Variants in MYBL1 observed in about 807,000 individuals in gnomAD.
The protein encoded by MYBL1 is myb-related protein A.
Under a neutral mutation model 96.3 loss-of-function variants are expected in MYBL1, and 17 were observed. The ratio of observed to expected loss-of-function variants is 0.18; its 90% CI spans 0.12 to 0.26. The LOEUF (loss-of-function observed/expected upper bound fraction) is 0.26. Among genes scored for constraint, MYBL1 ranks in the 10% least tolerant of loss-of-function variants. The pLI, the probability that MYBL1 is intolerant of heterozygous loss-of-function variation, is 1.00. For synonymous variants in MYBL1, 282 were observed against 292.7 expected (o/e 0.96, Z 0.37); for missense variants, 701 against 882.9 (o/e 0.79, Z 2.61).
chr8:66,610,495 G>C (rs1810485475), intron 1 of MYBL1, among the ~76,000 whole-genome samples: 1 of 151,770 alleles, frequency 6.6e-6, no homozygotes, highest in Non-Finnish European at 1.5e-5. Context: ...GCAAAGTATA[G>C]TTTTCACTTG....
At position 66,599,237 on chromosome 8, in the gene MYBL1, CAAG is replaced by C. The variant is rs1586592540; in HGVS notation, c.199-98_199-96del. On this transcript the variant is annotated intron_variant, in intron 3 of 15. Transcript: ENST00000522677. ...TCTCACATCCTTAGAACAAAGACTT[CAAG>C]AATAGTGTATTCAATAGCATTCTTT... 7.5e-6 allele frequency: 5 copies of C among 669,444 alleles called. No homozygotes were observed. In the East Asian group the frequency reaches 1.5e-4, roughly 20 times the overall value. 41.5% of individuals were successfully genotyped at this position (669,444 alleles called of 1,614,324 possible).
intron 5 of MYBL1, among the ~76,000 whole-genome samples, chr8:66,596,792 T>G (rs1355226304): frequency 6.6e-6 from 1 of 152,110 alleles, no homozygotes; most frequent in Non-Finnish European, 1.5e-5. Context: ...CAATGTAGAG[T>G]GTACTTAGCA....
At chr8:66,602,632 G>C in intron 1 of MYBL1, 109 bp from the exon 2 acceptor site, 1 of 438,798 alleles carries the variant, frequency 2.3e-6, no homozygotes, top group Non-Finnish European at 3.6e-6. Context: ...CAGACTACAA[G>C]TCATATTCAC....
intron 8 of MYBL1, among the ~76,000 whole-genome samples, chr8:66,590,019 A>G (rs1329331420): frequency 6.6e-6 from 1 of 152,144 alleles, no homozygotes; most frequent in African/African-American, 2.4e-5. Flanking sequence ...GGCTGCAGTG[A>G]GCCATGATCG....
chr8:66,603,747 G>A (rs191896667), intron 1 of MYBL1, among the ~76,000 whole-genome samples: 1 of 151,928 alleles, frequency 6.6e-6, no homozygotes, highest in Non-Finnish European at 1.5e-5. Context: ...TGATCCTCCT[G>A]CCTCAGCCTC....
chr8:66,612,636 C>G, intron 1 of MYBL1, 183 bp downstream of exon 1: 1 of 610,888 alleles, frequency 1.6e-6, no homozygotes. Context: ...CACCCTGGTC[C>G]CCAACTCTCC....
intron 14 of MYBL1, among the ~76,000 whole-genome samples, 169 bp downstream of exon 14, chr8:66,566,514 TA>T (rs1808509173): frequency 6.6e-6 from 1 of 151,974 alleles, no homozygotes. Context: ...AAAAAGTAAA[TA>T]AAATATTCTC....
At chr8:66,602,939 G>C (rs1235019412) in intron 1 of MYBL1, among the ~76,000 whole-genome samples, 2 of 150,736 alleles carry the variant, frequency 1.3e-5, no homozygotes, top group Non-Finnish European at 3.0e-5. Flanking sequence ...TAGAGGCAGG[G>C]TTTCACCGTG....
intron 6 of MYBL1, 87 bp from the exon 7 acceptor site, chr8:66,593,281 G>T: frequency 1.3e-6 from 1 of 783,452 alleles, no homozygotes; most frequent in Non-Finnish European, 2.0e-6. Context: ...TTTTGACACA[G>T]TATCAATATA....
chr8:66,602,776 C>CGCTCT (rs1488328332), intron 1 of MYBL1, among the ~76,000 whole-genome samples: 1 of 116,056 alleles, frequency 8.6e-6, no homozygotes, highest in East Asian at 2.7e-4. Context: ...GACGGAGTCT[C>CGCTCT]GCTCTGTCGC....
At chr8:66,571,375 G>A (rs1484711669) in intron 12 of MYBL1, among the ~76,000 whole-genome samples, 7 of 152,052 alleles carry the variant, frequency 4.6e-5, no homozygotes, top group Admixed American at 3.3e-4. Context: ...ATCTCTTTCA[G>A]CTTCACAATA....
At chr8:66,584,524 T>C (rs917322262) in intron 8 of MYBL1, among the ~76,000 whole-genome samples, 1 of 151,930 alleles carries the variant, frequency 6.6e-6, no homozygotes, top group Non-Finnish European at 1.5e-5. Context: ...GACAAACAAA[T>C]GGGGTAATGT....
intron 1 of MYBL1, among the ~76,000 whole-genome samples, chr8:66,602,730 TATA>T (rs1251635695): frequency 0.017 from 771 of 46,722 alleles, 16 homozygotes; most frequent in African/African-American, 0.026. Context: ...TATATATATA[TATA>T]TTTTTTTTTT....
chr8:66,576,040 T>C lies in MYBL1; in HGVS notation c.1437A>G (p.Thr479=). The change falls in exon 10 of 16, where the codon ACA becomes ACG. Residue 479 remains threonine, a synonymous_variant. Transcript: ENST00000522677. ...GAGAAAATGGTAGTGTTTTCAGTGG[T>C]GTATGTTTTAGCGCCATATTACCAC... ...NDGGNMALKH[T]PLKTLPFSPS... 1.2e-6 allele frequency: 2 copies of C among 1,613,778 alleles called. No homozygotes were observed. Among genetic ancestry groups the C allele is most frequent in the Non-Finnish European group, 1.7e-6 (2 of 1,179,808 alleles).
intron 9 of MYBL1, 24 bp from the exon 10 acceptor site, chr8:66,576,399 A>G: frequency 6.3e-7 from 1 of 1,575,334 alleles, no homozygotes; most frequent in Non-Finnish European, 8.6e-7. Context: ...AACTGTTAAT[A>G]AAGTTAATGC....
At chr8:66,576,398 T>C in intron 9 of MYBL1, 23 bp from the exon 10 acceptor site, 1 of 1,575,820 alleles carries the variant, frequency 6.3e-7, no homozygotes, top group Non-Finnish European at 8.6e-7. Flanking sequence ...AAACTGTTAA[T>C]AAAGTTAATG....
intron 1 of MYBL1, among the ~76,000 whole-genome samples, chr8:66,606,933 G>A (rs1300874371): frequency 6.6e-6 from 1 of 152,066 alleles, no homozygotes. Context: ...AGGAATTACA[G>A]GCGTCTGCCA....
chr8:66,591,409 T>C lies in MYBL1; in HGVS notation c.867+1031A>G, dbSNP rs533180458. Among the ~76,000 whole-genome samples, 5 of 152,252 alleles carry C rather than the reference T, an allele frequency of 3.3e-5. No individual in the cohort carries two copies. In the South Asian group the frequency reaches 8.3e-4, roughly 25 times the overall value. On this transcript the variant is annotated intron_variant, in intron 8 of 15. Transcript: ENST00000522677. ...GAAAAGTTATTTAAATATAAACTTGTATCTTTCTTTTAACCAATCTAGCAT... is the reference window on the plus strand; with the variant it reads ...GAAAAGTTATTTAAATATAAACTTGCATCTTTCTTTTAACCAATCTAGCAT...
chr8:66,569,328 T>C (rs1305938140), intron 12 of MYBL1, among the ~76,000 whole-genome samples: 1 of 151,734 alleles, frequency 6.6e-6, no homozygotes, highest in Admixed American at 6.6e-5. Flanking sequence ...GGTGCATACG[T>C]ACCGCATTTT....
Sources: gnomAD v4.1 joint callset for allele counts (sites outside exome capture counted in the v4.1 genomes callset) on GRCh38, gnomAD v4.1.1 for gene constraint, MANE v1.5 for transcripts, NCBI Gene and HGNC (gene_info 2026-07-23, HGNC 2026-07-21) for gene names.